Variants in GABRR3 observed in about 807,000 individuals in gnomAD.
The protein encoded by GABRR3 is gamma-aminobutyric acid type A receptor subunit rho3, also known as gamma-aminobutyric acid receptor subunit rho-3.
Under a neutral mutation model 43.2 loss-of-function variants are expected in GABRR3, and 29 were observed. The ratio of observed to expected loss-of-function variants is 0.67; its 90% confidence interval spans 0.50 to 0.92. The LOEUF is 0.92. Ranked by LOEUF, GABRR3 falls within the 40% of genes least tolerant of loss-of-function variation. The pLI is 0.00. For missense variants in GABRR3, 576 were observed against 572.3 expected (o/e 1.01, Z -0.07); for synonymous variants, 206 against 195.9 (o/e 1.05, Z -0.43).
chr3:97,987,046 A>T (rs1002889956), intron 9 of GABRR3, 64 bp from the exon 10 acceptor site: 2 of 1,052,114 alleles, frequency 1.9e-6, no homozygotes, highest in Admixed American at 3.0e-5. Context: ...AATTATGGTA[A>T]ATAATGTTAA....
intron 8 of GABRR3, chr3:97,997,370 TCA>T (rs1434863479): frequency 2.0e-5 from 3 of 152,096 alleles, no homozygotes; most frequent in Non-Finnish European, 4.4e-5. Context: ...ATTCTAAAAA[TCA>T]CAGTCTTGAA....
chr3:98,029,809 C>T (rs1027419552), intron 2 of GABRR3, among the ~76,000 whole-genome samples: 1 of 151,978 alleles, frequency 6.6e-6, no homozygotes, highest in African/African-American at 2.4e-5. Flanking sequence ...AATGTTAGTG[C>T]CCCATGCTGT....
At position 98,002,486 on chromosome 3, in the gene GABRR3, C is replaced by T. The variant is rs368261467; in HGVS notation, c.755-719G>A. 6.3e-4 allele frequency among the ~76,000 whole-genome samples: 96 copies of T among 152,224 alleles called. No homozygotes were observed. The South Asian group carries it at 0.014, about 23-fold the overall frequency. ...CATTGACTACAAGGAAGTTTAAAGC[C>T]AAATTTTCAGACATCTACAGGACTT... On this transcript the variant is annotated intron_variant, in intron 7 of 9. Coordinates refer to ENST00000621172, the Ensembl canonical transcript of GABRR3.
intron 7 of GABRR3, among the ~76,000 whole-genome samples, chr3:98,006,818 T>C (rs1420250837): frequency 6.6e-6 from 1 of 152,200 alleles, no homozygotes; most frequent in Non-Finnish European, 1.5e-5. Flanking sequence ...CTTCCAACTT[T>C]AGTCAATGGG....
At chr3:98,026,576 G>T (rs1707019964) in intron 2 of GABRR3, among the ~76,000 whole-genome samples, 1 of 118,154 alleles carries the variant, frequency 8.5e-6, no homozygotes, top group Admixed American at 9.0e-5. Flanking sequence ...ACCTTGCTCA[G>T]CACCTCCTTC....
chr3:97,986,891 A>G (rs1194344454), exon 10 of GABRR3: 1 of 1,611,754 alleles, frequency 6.2e-7, no homozygotes, highest in Admixed American at 1.7e-5. Context: ...GTTTAGAGAG[A>G]GGGAAGTCTG....
intron 5 of GABRR3, 111 bp downstream of exon 5, chr3:98,012,233 A>G: frequency 1.4e-6 from 1 of 732,888 alleles, no homozygotes; most frequent in South Asian, 1.9e-5. Flanking sequence ...AATCTCCAGC[A>G]GCATTAAACA....
intron 8 of GABRR3, chr3:98,001,387 A>T: frequency 3.9e-6 from 2 of 516,786 alleles, no homozygotes; most frequent in Non-Finnish European, 7.0e-6. Context: ...ACCCAACTGC[A>T]GGTCAGTCAG....
At chr3:98,021,050 A>G (rs986913918) in intron 3 of GABRR3, among the ~76,000 whole-genome samples, 1 of 150,936 alleles carries the variant, frequency 6.6e-6, no homozygotes, top group Admixed American at 6.6e-5. Context: ...TTTTTAGTAG[A>G]GACTGGGTTT....
At chr3:98,007,645 T>C in intron 7 of GABRR3, 119 bp downstream of exon 7, 6 of 1,044,584 alleles carry the variant, frequency 5.7e-6, no homozygotes, top group Non-Finnish European at 8.6e-6. Context: ...AGGAGAGGAA[T>C]GATGGTGCTG....
At chr3:97,990,942 G>A (rs1318802489) in intron 9 of GABRR3, among the ~76,000 whole-genome samples, 1 of 152,122 alleles carries the variant, frequency 6.6e-6, no homozygotes. Flanking sequence ...CTAAGTTATA[G>A]TAATTTTACA....
At chr3:98,032,041 C>A (rs1157627685) in intron 2 of GABRR3, among the ~76,000 whole-genome samples, 1 of 151,570 alleles carries the variant, frequency 6.6e-6, no homozygotes, top group Non-Finnish European at 1.5e-5. Flanking sequence ...CAACAACATG[C>A]ATGGCAGAGA....
chr3:97,991,110 T>G (rs997921247), intron 9 of GABRR3, among the ~76,000 whole-genome samples: 19 of 152,148 alleles, frequency 1.2e-4, no homozygotes, highest in Non-Finnish European at 2.8e-4. Context: ...GGCAGGGAGT[T>G]GTAGACATTT....
chr3:98,035,142 G>T (rs1707136042), intron 1 of GABRR3, 48 bp downstream of exon 1: 4 of 840,108 alleles, frequency 4.8e-6, no homozygotes, highest in South Asian at 2.3e-5. Context: ...GCTGCACTTT[G>T]TTTTAGCAGA....
At chr3:98,030,910 A>T (rs1707079278) in intron 2 of GABRR3, among the ~76,000 whole-genome samples, 1 of 152,264 alleles carries the variant, frequency 6.6e-6, no homozygotes, top group African/African-American at 2.4e-5. Flanking sequence ...CATGGATGCA[A>T]ATCCAAGGAA....
chr3:98,032,212 T>C (rs1707095242), intron 2 of GABRR3, among the ~76,000 whole-genome samples: 1 of 152,122 alleles, frequency 6.6e-6, no homozygotes, highest in Non-Finnish European at 1.5e-5. Context: ...GAGAAATCAT[T>C]GGGAAGTGGT....
At chr3:97,995,282 A>G (rs1051152956) in intron 8 of GABRR3, among the ~76,000 whole-genome samples, 2 of 152,142 alleles carry the variant, frequency 1.3e-5, no homozygotes, top group Non-Finnish European at 2.9e-5. Flanking sequence ...CAGCTAAAAA[A>G]TTTTTAATGT....
chr3:98,016,374 C>A (rs1706873404), intron 4 of GABRR3, among the ~76,000 whole-genome samples: 1 of 152,038 alleles, frequency 6.6e-6, no homozygotes, highest in Non-Finnish European at 1.5e-5. Flanking sequence ...ACCTCCCCCA[C>A]CCCCCATTCC....
intron 8 of GABRR3, chr3:97,998,493 C>G (rs1279784563): frequency 1.3e-5 from 2 of 152,116 alleles, no homozygotes; most frequent in Non-Finnish European, 2.9e-5. Flanking sequence ...GGATTGTAAT[C>G]TAACAGAGTA....
Sources: gnomAD v4.1 joint callset for allele counts (sites outside exome capture counted in the v4.1 genomes callset) on GRCh38, gnomAD v4.1.1 for gene constraint, MANE v1.5 for transcripts, NCBI Gene and HGNC (gene_info 2026-07-23, HGNC 2026-07-21) for gene names.